Variants in UQCC2 observed in about 807,000 individuals in gnomAD.
UQCC2 encodes the protein breast cancer-associated protein SGA-81M.
A neutral mutation model predicts 19.9 loss-of-function variants in UQCC2; 21 were observed. The ratio of observed to expected loss-of-function variants is 1.05; its 90% CI spans 0.75 to 1.52. UQCC2 has a LOEUF of 1.52. Among genes scored for constraint, UQCC2 ranks in the 40% most tolerant of loss-of-function variants. UQCC2 has a pLI of 0.00. For missense variants in UQCC2, 135 were observed against 157.5 expected, an observed-to-expected ratio of 0.86 and a Z score of 0.76; for synonymous variants, 57 against 60.9, an observed-to-expected ratio of 0.94 and a Z score of 0.30.
At chr6:33,704,943 G>C (rs1582182045) in intron 1 of UQCC2, among the ~76,000 whole-genome samples, 2 of 152,110 alleles carry the variant, frequency 1.3e-5, no homozygotes, top group South Asian at 4.1e-4. Context: ...CATGGGGGGC[G>C]GGTCACCCTT....
chr6:33,700,750 G>A (rs190509296), intron 2 of UQCC2, among the ~76,000 whole-genome samples: 54 of 152,346 alleles, frequency 3.5e-4, no homozygotes, highest in Non-Finnish European at 2.9e-5. Flanking sequence ...AGGTATGGGT[G>A]GGGCCCCTGA....
Position 33,697,280 on chromosome 6 carries a change from A to G in UQCC2, c.*373T>C. 5.3e-6 allele frequency: 1 copy of G among 187,582 alleles called. No homozygotes were observed. The highest frequency in any genetic ancestry group is 1.1e-5 in the Non-Finnish European group (1 of 91,514). 11.6% of individuals were successfully genotyped at this position (187,582 alleles called of 1,614,324 possible). A position where few individuals can be genotyped will look rare whatever the true frequency, so the allele number is the denominator to read the frequency against. ...CTGCTATTTTTGGCTTCCTCCCAGG[A>G]GCTCCTACAACAAAAGGGAGCCTGA... On this transcript the variant is annotated 3_prime_UTR_variant, in exon 4 of 4. Transcript: ENST00000607484.
chr6:33,701,207 G>T (rs1765635613), intron 2 of UQCC2, 139 bp downstream of exon 2: 1 of 860,010 alleles, frequency 1.2e-6, no homozygotes, highest in Non-Finnish European at 1.7e-6. Flanking sequence ...CACCTCTGTT[G>T]GCTTGGTTGA....
chr6:33,710,623 T>C (rs139362290), intron 1 of UQCC2, among the ~76,000 whole-genome samples: 1 of 152,324 alleles, frequency 6.6e-6, no homozygotes, highest in Non-Finnish European at 1.5e-5. Flanking sequence ...GCCCCACTAA[T>C]AACATTACCC....
At chr6:33,707,836 A>G (rs776217608) in intron 1 of UQCC2, among the ~76,000 whole-genome samples, 2 of 152,242 alleles carry the variant, frequency 1.3e-5, no homozygotes, top group Non-Finnish European at 2.9e-5. Context: ...GTTCTTAGAC[A>G]AACTGTATTC....
At position 33,701,469 on chromosome 6, in the gene UQCC2, CCA is replaced by C. The variant is rs565549587; in HGVS notation, c.139-51_139-50del. ...GAGGTGAGCAAAGGAGTCCTGCCTCCCACAGTGTCTGTACCTTGAGGAAAGAC... is the reference window on the plus strand; with the variant it reads ...GAGGTGAGCAAAGGAGTCCTGCCTCCCAGTGTCTGTACCTTGAGGAAAGAC... On this transcript the variant is annotated intron_variant, in intron 1 of 3. Coordinates refer to ENST00000607484, the MANE Select transcript of UQCC2 (RefSeq NM_032340.4). 1.2e-3 allele frequency: 1,960 copies of C among 1,575,166 alleles called. 2 individuals carry two copies. The highest frequency in any genetic ancestry group is 2.6e-3 in the Admixed American group (152 of 58,416).
intron 1 of UQCC2, among the ~76,000 whole-genome samples, chr6:33,707,847 A>C (rs1240890758): frequency 6.6e-6 from 1 of 152,274 alleles, no homozygotes; most frequent in Non-Finnish European, 1.5e-5. Flanking sequence ...AACTGTATTC[A>C]AAATTGGCAA....
chr6:33,708,183 C>T (rs2127337969), intron 1 of UQCC2, among the ~76,000 whole-genome samples: 1 of 152,324 alleles, frequency 6.6e-6, no homozygotes, highest in Non-Finnish European at 1.5e-5. Context: ...CATTTGCTGC[C>T]CAAACTATCT....
intron 1 of UQCC2, among the ~76,000 whole-genome samples, chr6:33,708,774 G>C (rs772457740): frequency 1.3e-4 from 20 of 152,202 alleles, no homozygotes; most frequent in Non-Finnish European, 2.5e-4. Context: ...GGTGTCAGTA[G>C]GAGTGACTCA....
rs1451922200 is a variant in UQCC2 at position 33,702,570 on chromosome 6, T to C, written c.139-1150A>G. 3.3e-5 allele frequency among the ~76,000 whole-genome samples: 5 copies of C among 152,198 alleles called. No individual in the cohort carries two copies. In the South Asian group the frequency reaches 6.2e-4, roughly 19 times the overall value. On this transcript the variant is annotated intron_variant, in intron 1 of 3. Transcript: ENST00000607484. ...AATTCTCTGGTGCCAGAGACAGCAG[T>C]GCCCCTGCTGGACCTTCTCAGGGAG... is the stretch of plus-strand genomic sequence containing the variant.
At position 33,697,101 on chromosome 6, in the gene UQCC2, G is replaced by A. The variant is rs1765570692; in HGVS notation, c.*552C>T. On this transcript the variant is annotated 3_prime_UTR_variant, in exon 4 of 4. Coordinates refer to ENST00000607484, the MANE Select transcript of UQCC2 (RefSeq NM_032340.4). ...CTTCCCTGTCCCTTAAGCCAACTGGGCAATGTGGGTTTTTGCAAGGTCAGG... is the reference window on the plus strand; with the variant it reads ...CTTCCCTGTCCCTTAAGCCAACTGGACAATGTGGGTTTTTGCAAGGTCAGG... The A allele has an allele frequency of 6.6e-6, 1 of 152,556 alleles. No individual in the cohort carries two copies. Among genetic ancestry groups the A allele is most frequent in the African/African-American group, 2.4e-5 (1 of 41,474 alleles). 9.5% of individuals were successfully genotyped at this position (152,556 alleles called of 1,614,324 possible).
intron 1 of UQCC2, among the ~76,000 whole-genome samples, chr6:33,709,947 G>C (rs1377707298): frequency 6.6e-6 from 1 of 152,098 alleles, no homozygotes; most frequent in African/African-American, 2.4e-5. Flanking sequence ...AGTGTACTTG[G>C]CATCTCAGGT....
rs375517805 is a variant in UQCC2, at chr6:33,697,636, C to G, written c.*17G>C. On this transcript the variant is annotated 3_prime_UTR_variant, in exon 4 of 4. Transcript: ENST00000607484. ...AAGACTCCACACCTAGGTATGTGCACGAGGTAAGGCCTGAGCTCAGGCCTT... is the reference window on the plus strand; with the variant it reads ...AAGACTCCACACCTAGGTATGTGCAGGAGGTAAGGCCTGAGCTCAGGCCTT... 52 of 1,590,258 alleles carry G rather than the reference C, an allele frequency of 3.3e-5. No homozygotes were observed. Among genetic ancestry groups the G allele is most frequent in the Non-Finnish European group, 4.5e-5 (52 of 1,167,430 alleles).
chr6:33,701,952 G>T (rs1168291805), intron 1 of UQCC2, among the ~76,000 whole-genome samples: 1 of 151,922 alleles, frequency 6.6e-6, no homozygotes, highest in Non-Finnish European at 1.5e-5. Flanking sequence ...AGGAGATGCC[G>T]TCAGCAAGGA....
chr6:33,708,889 C>A (rs1256800552), intron 1 of UQCC2, among the ~76,000 whole-genome samples: 1 of 152,192 alleles, frequency 6.6e-6, no homozygotes, highest in Non-Finnish European at 1.5e-5. Context: ...TGAGGTACCG[C>A]AACAGTGGTC....
intron 3 of UQCC2, among the ~76,000 whole-genome samples, chr6:33,699,591 CCA>C (rs1561888990): frequency 6.6e-6 from 1 of 152,160 alleles, no homozygotes; most frequent in Admixed American, 6.5e-5. Flanking sequence ...AATATCTTCA[CCA>C]CAGTTTCCCA....
chr6:33,708,320 G>A (rs1223095166), intron 1 of UQCC2, among the ~76,000 whole-genome samples: 1 of 152,244 alleles, frequency 6.6e-6, no homozygotes, highest in Non-Finnish European at 1.5e-5. Flanking sequence ...AGGAGACGAT[G>A]CACACTAGGG....
At chr6:33,710,037 A>G (rs1765747536) in intron 1 of UQCC2, among the ~76,000 whole-genome samples, 1 of 152,104 alleles carries the variant, frequency 6.6e-6, no homozygotes, top group African/African-American at 2.4e-5. Flanking sequence ...ACCATCTTAG[A>G]CCTAGATGCC....
At chr6:33,707,676 G>A (rs566018741) in intron 1 of UQCC2, among the ~76,000 whole-genome samples, 1 of 152,308 alleles carries the variant, frequency 6.6e-6, no homozygotes, top group African/African-American at 2.4e-5. Context: ...GTGCTGGTGT[G>A]CAGTCCGGGA....
Sources: allele counts gnomAD v4.1 joint callset (sites outside exome capture counted in the v4.1 genomes callset), GRCh38; gene constraint gnomAD v4.1.1; transcripts MANE v1.5; gene names NCBI Gene and HGNC (gene_info 2026-07-23, HGNC 2026-07-21).